The following FAM168A variants were observed in gnomAD, a reference collection of about 807,000 sequenced individuals.
FAM168A encodes protein FAM168A.
In FAM168A, 3 loss-of-function variants were observed where a neutral mutation model predicts 28.5. The observed-to-expected ratio is 0.11, with a 90% CI of 0.05 to 0.27. The LOEUF (loss-of-function observed/expected upper bound fraction) is 0.27, where lower values mean the gene tolerates loss of function less well. FAM168A is among the 10% of genes least tolerant of loss of function. FAM168A has a pLI of 1.00. For synonymous variants in FAM168A, 122 were observed against 124.2 expected (o/e 0.98, Z 0.12); for missense variants, 222 against 311.5 (o/e 0.71, Z 2.16).
chr11:73,529,347 T>C (rs1943487931), intron 1 of FAM168A, among the ~76,000 whole-genome samples: 1 of 152,234 alleles, frequency 6.6e-6, no homozygotes, highest in Non-Finnish European at 1.5e-5. Flanking sequence ...CATAAGTCTC[T>C]CAACCTTTCT....
At chr11:73,525,485 C>G (rs1339681990) in intron 1 of FAM168A, among the ~76,000 whole-genome samples, 1 of 152,178 alleles carries the variant, frequency 6.6e-6, no homozygotes, top group Non-Finnish European at 1.5e-5. Flanking sequence ...AGTCTAGCAT[C>G]CCCAAGTACA....
At chr11:73,582,668 A>G (rs1300846782) in intron 1 of FAM168A, among the ~76,000 whole-genome samples, 1 of 152,234 alleles carries the variant, frequency 6.6e-6, no homozygotes, top group East Asian at 1.9e-4. Flanking sequence ...GTTTTATAGC[A>G]TTCATTTTAT....
intron 4 of FAM168A, among the ~76,000 whole-genome samples, chr11:73,418,734 A>G (rs1017490654): frequency 1.6e-4 from 25 of 152,036 alleles, no homozygotes; most frequent in Non-Finnish European, 4.4e-5. Context: ...AAAGTCAGTC[A>G]TTCCTCTATT....
chr11:73,461,929 T>C (rs866818671), intron 2 of FAM168A, among the ~76,000 whole-genome samples: 15 of 152,308 alleles, frequency 9.8e-5, no homozygotes, highest in South Asian at 8.3e-4. Context: ...ATATCCATTA[T>C]GATGGCTATT....
At chr11:73,539,267 A>T (rs911208634) in intron 1 of FAM168A, among the ~76,000 whole-genome samples, 6 of 152,036 alleles carry the variant, frequency 3.9e-5, no homozygotes, top group South Asian at 2.1e-4. Flanking sequence ...TTATTTATTT[A>T]TTTTTTTATT....
chr11:73,507,757 C>T lies in FAM168A; in HGVS notation c.-18-39265G>A, dbSNP rs866671602. On this transcript the variant is annotated intron_variant, in intron 1 of 7. Transcript: ENST00000356467. Reference sequence around the variant, plus strand: ...AATAATATTACAGGTTTGAAATGTACTGATCCACTTATATGCCTCCCTCTG... The same window carrying T: ...AATAATATTACAGGTTTGAAATGTATTGATCCACTTATATGCCTCCCTCTG... Among the ~76,000 whole-genome samples the T allele has an allele frequency of 4.6e-5, 7 of 152,182 alleles. No homozygotes were observed. In the South Asian group the frequency reaches 6.2e-4, roughly 14 times the overall value.
chr11:73,492,678 T>A (rs960936594), intron 1 of FAM168A, among the ~76,000 whole-genome samples: 2 of 151,806 alleles, frequency 1.3e-5, no homozygotes, highest in African/African-American at 4.8e-5. Context: ...AATGATACTC[T>A]GCTCTGGATT....
At chr11:73,502,087 C>T (rs1225379909) in intron 1 of FAM168A, among the ~76,000 whole-genome samples, 1 of 99,294 alleles carries the variant, frequency 1.0e-5, no homozygotes, top group Non-Finnish European at 1.9e-5. Flanking sequence ...GGCGACAGAT[C>T]AAAGCTTTGT....
intron 1 of FAM168A, among the ~76,000 whole-genome samples, chr11:73,530,118 C>T (rs1943498388): frequency 6.6e-6 from 1 of 152,034 alleles, no homozygotes; most frequent in Non-Finnish European, 1.5e-5. Context: ...CTTTTTAGTG[C>T]CAAAGTCACT....
chr11:73,526,868 CAAAAAAA>C (rs61073226), intron 1 of FAM168A, among the ~76,000 whole-genome samples: 11 of 51,902 alleles, frequency 2.1e-4, no homozygotes, highest in Non-Finnish European at 2.9e-4. Context: ...GACTCCATCT[CAAAAAAA>C]AAAAAAAAAA....
intron 1 of FAM168A, among the ~76,000 whole-genome samples, chr11:73,519,665 A>T (rs1040807370): frequency 2.0e-5 from 3 of 152,178 alleles, no homozygotes; most frequent in Admixed American, 2.0e-4. Flanking sequence ...CAGCATGAGC[A>T]AAGTCACTGA....
At chr11:73,462,831 T>C (rs1264543875) in intron 2 of FAM168A, among the ~76,000 whole-genome samples, 1 of 147,596 alleles carries the variant, frequency 6.8e-6, no homozygotes, top group Non-Finnish European at 1.5e-5. Context: ...ACCACTGCAA[T>C]CTCTGGGCTA....
chr11:73,493,733 T>C (rs1019849610), intron 1 of FAM168A, among the ~76,000 whole-genome samples: 1 of 152,078 alleles, frequency 6.6e-6, no homozygotes, highest in Admixed American at 6.6e-5. Context: ...TATTTTTATT[T>C]AAGGAGGAAC....
At chr11:73,528,743 C>T (rs1396793965) in intron 1 of FAM168A, among the ~76,000 whole-genome samples, 1 of 152,130 alleles carries the variant, frequency 6.6e-6, no homozygotes. Context: ...AGACCAGGGT[C>T]CCCACTTGTG....
chr11:73,589,079 A>G (rs115568703), intron 1 of FAM168A, among the ~76,000 whole-genome samples: 1 of 152,194 alleles, frequency 6.6e-6, no homozygotes, highest in Non-Finnish European at 1.5e-5. Context: ...GCGAAAAAAT[A>G]AATTTTTGTT....
intron 1 of FAM168A, among the ~76,000 whole-genome samples, chr11:73,524,195 A>G (rs1943421303): frequency 6.6e-6 from 1 of 152,072 alleles, no homozygotes; most frequent in Non-Finnish European, 1.5e-5. Context: ...GGAAGCTTTT[A>G]TATTCTCATT....
At chr11:73,566,736 G>A (rs1944024436) in intron 1 of FAM168A, among the ~76,000 whole-genome samples, 1 of 152,066 alleles carries the variant, frequency 6.6e-6, no homozygotes, top group Non-Finnish European at 1.5e-5. Flanking sequence ...TTTCTATCAG[G>A]TACAATATTG....
intron 4 of FAM168A, among the ~76,000 whole-genome samples, chr11:73,415,464 T>C (rs1168154793): frequency 6.6e-6 from 1 of 152,206 alleles, no homozygotes; most frequent in Non-Finnish European, 1.5e-5. Flanking sequence ...GGGGCCCTCA[T>C]CCTAGGTTCT....
intron 3 of FAM168A, among the ~76,000 whole-genome samples, chr11:73,421,767 A>C (rs1161307711): frequency 6.6e-6 from 1 of 152,216 alleles, no homozygotes; most frequent in Admixed American, 6.5e-5. Context: ...TGTAGCTCTG[A>C]AAAGTCAGAT....
Sources: gnomAD v4.1 joint callset for allele counts (sites outside exome capture counted in the v4.1 genomes callset) on GRCh38, gnomAD v4.1.1 for gene constraint, MANE v1.5 for transcripts, NCBI Gene and HGNC (gene_info 2026-07-23, HGNC 2026-07-21) for gene names.